RASA1: variants seen among roughly 807,000 people sequenced by gnomAD.
The protein encoded by RASA1 is RAS p21 protein activator 1, also known as ras GTPase-activating protein 1.
In RASA1, 25 loss-of-function variants were observed where a neutral mutation model predicts 132.2. That is an observed-to-expected ratio of 0.19 (90% confidence interval 0.14 to 0.26). RASA1 has a LOEUF of 0.26. Among genes scored for constraint, RASA1 ranks in the 10% least tolerant of loss-of-function variants. The pLI, the probability that RASA1 is intolerant of heterozygous loss-of-function variation, is 1.00. For synonymous variants in RASA1, 477 were observed against 449.9 expected (o/e 1.06, Z -0.76); for missense variants, 964 against 1,299.2 (o/e 0.74, Z 3.97).
At chr5:87,352,495 A>G (rs1644784690) in intron 8 of RASA1, among the ~76,000 whole-genome samples, 1 of 151,788 alleles carries the variant, frequency 6.6e-6, no homozygotes, top group African/African-American at 2.4e-5. Context: ...ACAACTTTAT[A>G]TTTAAAAAAA....
At chr5:87,363,985 GAATATA>G (rs1394774166) in intron 11 of RASA1, among the ~76,000 whole-genome samples, 2 of 152,104 alleles carry the variant, frequency 1.3e-5, no homozygotes. Context: ...TTGAAACAAT[GAATATA>G]AATGTATAAG....
chr5:87,352,573 A>AT (rs1435909784), intron 8 of RASA1, among the ~76,000 whole-genome samples: 1 of 151,772 alleles, frequency 6.6e-6, no homozygotes, highest in African/African-American at 2.4e-5. Flanking sequence ...TATTTTCCCA[A>AT]TATTTCCCAA....
intron 1 of RASA1, among the ~76,000 whole-genome samples, chr5:87,295,642 C>T (rs190357503): frequency 7.2e-5 from 11 of 151,986 alleles, no homozygotes; most frequent in African/African-American, 2.2e-4. Context: ...GTAGCTGGAA[C>T]GATAGATGCA....
intron 1 of RASA1, among the ~76,000 whole-genome samples, chr5:87,286,824 T>A (rs930624435): frequency 1.3e-5 from 2 of 149,300 alleles, no homozygotes; most frequent in African/African-American, 5.0e-5. Context: ...ACACACACAC[T>A]CACATATATA....
chr5:87,310,921 C>T (rs1329868950), intron 1 of RASA1, among the ~76,000 whole-genome samples: 1 of 151,994 alleles, frequency 6.6e-6, no homozygotes, highest in Non-Finnish European at 1.5e-5. Flanking sequence ...TCTTTGCTGC[C>T]ACATAGCTGC....
At chr5:87,372,311 C>T (rs2112480459) in intron 13 of RASA1, 116 bp downstream of exon 13, 6 of 897,204 alleles carry the variant, frequency 6.7e-6, no homozygotes, top group Non-Finnish European at 1.1e-5. Context: ...AGCCATGCTG[C>T]CACTTGCTTC....
In RASA1 at chr5:87,331,465, A is replaced by G. The variant is rs1241440895; in HGVS notation, c.657A>G (p.Ser219=). Residue 219 remains serine, a synonymous_variant, in exon 2 of 25, where the codon TCA becomes TCG. Transcript: ENST00000274376. ...SDRRPGSFVL[S]FLSQMNVVNH... Reference sequence around the variant, plus strand: ...GGAGGCCAGGGTCCTTTGTACTTTCATTTCTTAGCCAGATGAATGTTGTCA... The same window carrying G: ...GGAGGCCAGGGTCCTTTGTACTTTCGTTTCTTAGCCAGATGAATGTTGTCA... 6.2e-7 allele frequency: 1 copy of G among 1,613,752 alleles called. No homozygotes were observed. The highest frequency in any genetic ancestry group is 8.5e-7 in the Non-Finnish European group (1 of 1,179,858).
intron 11 of RASA1, among the ~76,000 whole-genome samples, chr5:87,366,823 G>C (rs1201385450): frequency 6.6e-6 from 1 of 152,156 alleles, no homozygotes; most frequent in Admixed American, 6.5e-5. Flanking sequence ...CTTAAGCTCA[G>C]GGGTTGGAGA....
At chr5:87,312,309 G>A (rs1182043450) in intron 1 of RASA1, among the ~76,000 whole-genome samples, 1 of 152,124 alleles carries the variant, frequency 6.6e-6, no homozygotes, top group Non-Finnish European at 1.5e-5. Flanking sequence ...TCTGTCTTCT[G>A]TTAAGTTAGA....
intron 1 of RASA1, among the ~76,000 whole-genome samples, chr5:87,295,899 C>T (rs1755098514): frequency 6.6e-6 from 1 of 152,036 alleles, no homozygotes; most frequent in Admixed American, 6.5e-5. Context: ...TCACAGCAAC[C>T]TCCACCTTCC....
intron 1 of RASA1, among the ~76,000 whole-genome samples, chr5:87,300,065 C>T (rs1298073548): frequency 6.6e-6 from 1 of 151,948 alleles, no homozygotes; most frequent in Non-Finnish European, 1.5e-5. Context: ...TTTAGTGTTG[C>T]TTATTAAGAG....
chr5:87,360,127 T>TG (rs1554047675), intron 9 of RASA1, among the ~76,000 whole-genome samples: 2 of 151,196 alleles, frequency 1.3e-5, no homozygotes, highest in Non-Finnish European at 3.0e-5. Context: ...AAATGCAGTT[T>TG]TTTTTTTTTT....
chr5:87,388,288 A>T (rs1274530721), intron 23 of RASA1, among the ~76,000 whole-genome samples: 1 of 152,166 alleles, frequency 6.6e-6, no homozygotes, highest in East Asian at 1.9e-4. Context: ...TGCAGTTTTT[A>T]GCAATGTAAA....
intron 1 of RASA1, among the ~76,000 whole-genome samples, chr5:87,308,010 T>C (rs1355693509): frequency 6.6e-6 from 1 of 152,182 alleles, no homozygotes; most frequent in Non-Finnish European, 1.5e-5. Context: ...CAGTCTTTCC[T>C]TAGCTTCTTA....
intron 6 of RASA1, among the ~76,000 whole-genome samples, chr5:87,342,304 G>T (rs181942772): frequency 6.6e-6 from 1 of 151,776 alleles, no homozygotes; most frequent in Non-Finnish European, 1.5e-5. Context: ...GACCACCGGC[G>T]CACAACACCA....
At chr5:87,278,186 T>C (rs1443154949) in intron 1 of RASA1, among the ~76,000 whole-genome samples, 1 of 152,100 alleles carries the variant, frequency 6.6e-6, no homozygotes, top group East Asian at 1.9e-4. Context: ...TAAATGTTGA[T>C]TCATTTCTCT....
intron 11 of RASA1, among the ~76,000 whole-genome samples, chr5:87,369,119 A>G (rs1166846533): frequency 6.6e-6 from 1 of 152,206 alleles, no homozygotes; most frequent in Non-Finnish European, 1.5e-5. Context: ...AGCAGGAAAC[A>G]GAAGTAACAT....
chr5:87,375,999 G>A (rs541844731), intron 15 of RASA1, among the ~76,000 whole-genome samples: 9 of 151,886 alleles, frequency 5.9e-5, no homozygotes, highest in Non-Finnish European at 1.2e-4. Context: ...TCTAGATCTC[G>A]TCCGCTCAAG....
chr5:87,373,913 T>C (rs1387359651), intron 13 of RASA1, among the ~76,000 whole-genome samples: 1 of 151,992 alleles, frequency 6.6e-6, no homozygotes, highest in Non-Finnish European at 1.5e-5. Flanking sequence ...TCCAGGAATA[T>C]ACTGGGAGAA....
Sources: gnomAD v4.1 joint callset for allele counts (sites outside exome capture counted in the v4.1 genomes callset) on GRCh38, gnomAD v4.1.1 for gene constraint, MANE v1.5 for transcripts, NCBI Gene and HGNC (gene_info 2026-07-23, HGNC 2026-07-21) for gene names.